Variants in RYR3 observed in about 807,000 individuals in gnomAD.
RYR3 encodes the protein ryanodine receptor 3, also known as brain ryanodine receptor-calcium release channel.
Under a neutral mutation model 584.3 loss-of-function variants are expected in RYR3, and 207 were observed. The ratio of observed to expected loss-of-function variants is 0.35; its 90% CI spans 0.32 to 0.40. The LOEUF (loss-of-function observed/expected upper bound fraction) is 0.40. Ranked by LOEUF, RYR3 falls within the 10% of genes least tolerant of loss-of-function variation. The probability of loss-of-function intolerance (pLI) is 1.00; values close to 1 mark genes in which losing one functional copy is unlikely to be tolerated. For missense variants in RYR3, 5,616 were observed against 6,089.2 expected (o/e 0.92, Z 2.59); for synonymous variants, 2,416 against 2,248.5 (o/e 1.07, Z -2.11).
rs1356643455 is a variant in RYR3, at chr15:33,739,873, C to T, written c.7698C>T (p.Leu2566=). ...PDLFRMALPC[L]SAIAGALPPD... ...TTTTCCGAATGGCCCTGCCTTGTCT[C>T]AGTGCTATAGCTGGGGCCTTGCCAC... The change falls in exon 51 of 104, where the codon CTC becomes CTT. Residue 2566 remains leucine (L), a synonymous_variant. Transcript: ENST00000634891. 3 of 1,613,696 alleles carry T rather than the reference C, an allele frequency of 1.9e-6. No homozygotes were observed. The highest frequency in any genetic ancestry group is 2.5e-6 in the Non-Finnish European group (3 of 1,179,832).
intron 102 of RYR3, among the ~76,000 whole-genome samples, chr15:33,861,918 C>T (rs776069016): frequency 6.6e-6 from 1 of 152,076 alleles, no homozygotes; most frequent in Non-Finnish European, 1.5e-5. Context: ...CCACTGTGCC[C>T]AGCCTCATAC....
chr15:33,402,255 C>T (rs1465334018), intron 1 of RYR3, among the ~76,000 whole-genome samples: 1 of 152,152 alleles, frequency 6.6e-6, no homozygotes, highest in African/African-American at 2.4e-5. Flanking sequence ...GTGGTTGATT[C>T]ATTTACAAGA....
At chr15:33,793,236 G>A (rs1051460668) in intron 67 of RYR3, among the ~76,000 whole-genome samples, 7 of 152,084 alleles carry the variant, frequency 4.6e-5, no homozygotes, top group East Asian at 1.9e-4. Context: ...GTCCACCCTG[G>A]CACACACCAC....
At chr15:33,486,249 C>G (rs2050410471) in intron 2 of RYR3, among the ~76,000 whole-genome samples, 1 of 152,172 alleles carries the variant, frequency 6.6e-6, no homozygotes, top group African/African-American at 2.4e-5. Flanking sequence ...AATTGGAAAT[C>G]AAGGTGTTAT....
chr15:33,802,148 C>T, intron 69 of RYR3, 187 bp downstream of exon 69: 1 of 739,954 alleles, frequency 1.4e-6, no homozygotes, highest in Non-Finnish European at 2.5e-6. Context: ...GCATGGTCAT[C>T]ACATTTTATG....
chr15:33,779,798 C>T (rs909178276), intron 64 of RYR3, among the ~76,000 whole-genome samples: 12 of 151,798 alleles, frequency 7.9e-5, no homozygotes, highest in South Asian at 2.1e-4. Flanking sequence ...GTCAGGAGAT[C>T]GAGACCATCC....
intron 1 of RYR3, among the ~76,000 whole-genome samples, chr15:33,350,693 A>G (rs1320032824): frequency 1.3e-5 from 2 of 152,128 alleles, no homozygotes; most frequent in African/African-American, 2.4e-5. Flanking sequence ...GCAGAAATAA[A>G]GATGTTCTTT....
In RYR3 at chr15:33,630,057, TGAGCTGAA is replaced by T; in HGVS notation, c.2783+16_2783+23del. The T allele has an allele frequency of 7.0e-7, 1 of 1,427,948 alleles. No individual in the cohort carries two copies. The highest frequency in any genetic ancestry group is 9.7e-7 in the Non-Finnish European group (1 of 1,028,640). The allele number at this position is 1,427,948 out of a possible 1,614,324, so 88.5% of individuals were successfully genotyped here. A position where few individuals can be genotyped will look rare whatever the true frequency, so the allele number is the denominator to read the frequency against. On this transcript the variant is annotated intron_variant, in intron 22 of 103. Transcript: ENST00000634891. ...TGAAACCTTAAAGTGAGTATTTAAT[TGAGCTGAA>T]GTTTTACAAACAATGAATAGATGAT...
Position 33,628,502 on chromosome 15 carries a change from G to T in RYR3, c.2606G>T (p.Arg869Leu), listed in dbSNP as rs778995715. 1.9e-5 allele frequency: 30 copies of T among 1,613,458 alleles called. No individual in the cohort carries two copies. Among genetic ancestry groups the T allele is most frequent in the Non-Finnish European group, 2.4e-5 (28 of 1,179,592 alleles). Residue 869 changes from arginine to leucine, a missense_variant, in exon 21 of 104, where the codon CGA becomes CTA. Arg to Leu is a moderately radical substitution (Grantham distance 102). Coordinates refer to ENST00000634891, the MANE Select transcript of RYR3 (RefSeq NM_001036.6). ...TTGCCACCTCACCTAGAAAAGATCC[G>T]AGACAGACTAGCTGAAAACATCCAT... ...VILPPHLEKIRDRLAENIHEL... is the reference protein window; with the variant it reads ...VILPPHLEKILDRLAENIHEL...
chr15:33,776,446 C>A (rs1308278196), intron 64 of RYR3, among the ~76,000 whole-genome samples: 1 of 152,184 alleles, frequency 6.6e-6, no homozygotes, highest in Non-Finnish European at 1.5e-5. Flanking sequence ...AAGCTTGAAA[C>A]TTGGTAACGT....
intron 68 of RYR3, 150 bp downstream of exon 68, chr15:33,801,007 G>A: frequency 1.6e-6 from 1 of 634,622 alleles, no homozygotes; most frequent in South Asian, 1.9e-5. Context: ...ACTGCCTCAG[G>A]AGGTCCTGAG....
chr15:33,487,967 A>T (rs2050604858), intron 2 of RYR3, among the ~76,000 whole-genome samples: 1 of 152,262 alleles, frequency 6.6e-6, no homozygotes, highest in Admixed American at 6.5e-5. Context: ...AGATATCTAA[A>T]GAAATAGCAT....
chr15:33,723,608 A>G (rs1315946038), intron 44 of RYR3, among the ~76,000 whole-genome samples: 1 of 152,096 alleles, frequency 6.6e-6, no homozygotes, highest in Non-Finnish European at 1.5e-5. Flanking sequence ...GACCTGGTAG[A>G]GCTGGAAAGG....
At chr15:33,732,387 C>CAAAAAAAAAAAAAAAAA (rs3086238) in intron 48 of RYR3, among the ~76,000 whole-genome samples, 1 of 130,502 alleles carries the variant, frequency 7.7e-6, no homozygotes, top group African/African-American at 2.9e-5. Flanking sequence ...GACTCCATCT[C>CAAAAAAAAAAAAAAAAA]AAAAAAAAAA....
chr15:33,359,542 A>G (rs143698907), intron 1 of RYR3, among the ~76,000 whole-genome samples: 322 of 152,182 alleles, frequency 2.1e-3, no homozygotes, highest in African/African-American at 7.4e-3. Flanking sequence ...CTTTCACTTC[A>G]CTGAGGTTTC....
At chr15:33,683,741 C>G (rs536983765) in intron 38 of RYR3, among the ~76,000 whole-genome samples, 1 of 152,252 alleles carries the variant, frequency 6.6e-6, no homozygotes, top group Non-Finnish European at 1.5e-5. Context: ...CACGGGAAGC[C>G]GTGACAGACT....
rs542703463 is a variant in RYR3, at chr15:33,646,486, A to T, written c.3901A>T (p.Ser1301Cys). The T allele has an allele frequency of 6.2e-6, 10 of 1,613,906 alleles. No homozygotes were observed. In the South Asian group the frequency reaches 9.9e-5, roughly 16 times the overall value. Residue 1301 changes from serine to cysteine, a missense_variant, in exon 29 of 104, where the codon AGC becomes TGC. Ser to Cys is a moderately radical substitution (Grantham distance 112). This residue lies in a region of RYR3 where 753 missense variants were observed against 741.0 expected (regional missense o/e 1.02). Transcript: ENST00000634891. Reference sequence around the variant, plus strand: ...GCCTGTCGAGTGCCACTCCTCCTTCAGCCACAGCCCCTGTCTGGACAGTGA... The same window carrying T: ...GCCTGTCGAGTGCCACTCCTCCTTCTGCCACAGCCCCTGTCTGGACAGTGA... ...SMPVECHSSF[S>C]HSPCLDSEAF...
intron 72 of RYR3, among the ~76,000 whole-genome samples, chr15:33,811,509 T>A (rs1224546211): frequency 2.4e-5 from 2 of 84,908 alleles, no homozygotes; most frequent in Non-Finnish European, 6.1e-5. Flanking sequence ...AGACTCCGTC[T>A]CAAAAAAAAA....
chr15:33,630,786 A>G (rs1595894686), intron 22 of RYR3, among the ~76,000 whole-genome samples: 1 of 152,246 alleles, frequency 6.6e-6, no homozygotes, highest in Non-Finnish European at 1.5e-5. Context: ...GAAGAGGCAT[A>G]TAATTGTAAT....
Sources: allele counts gnomAD v4.1 joint callset (sites outside exome capture counted in the v4.1 genomes callset), GRCh38; gene constraint gnomAD v4.1.1; regional missense constraint gnomAD v4.1.1; transcripts MANE v1.5; gene names NCBI Gene and HGNC (gene_info 2026-07-23, HGNC 2026-07-21).